Variants in COL14A1 observed in about 807,000 individuals in gnomAD.
COL14A1 encodes collagen alpha-1(XIV) chain.
Under a neutral mutation model 230.3 loss-of-function variants are expected in COL14A1, and 136 were observed. That is an observed-to-expected ratio of 0.59 (90% confidence interval 0.51 to 0.68). The LOEUF is 0.68. Among genes scored for constraint, COL14A1 ranks in the 30% least tolerant of loss-of-function variants. COL14A1 has a pLI of 0.00. For synonymous variants in COL14A1, 792 were observed against 784.1 expected, an observed-to-expected ratio of 1.01 and a Z score of -0.17; for missense variants, 1,976 against 2,215.8, an observed-to-expected ratio of 0.89 and a Z score of 2.17.
intron 8 of COL14A1, among the ~76,000 whole-genome samples, 156 bp from the exon 9 acceptor site, chr8:120,203,553 G>A (rs1051388366): frequency 2.6e-5 from 4 of 151,874 alleles, no homozygotes; most frequent in East Asian, 1.9e-4. Flanking sequence ...TTTCGTGTGC[G>A]CATTTTAAAT....
intron 20 of COL14A1, among the ~76,000 whole-genome samples, chr8:120,245,061 C>T (rs561928552): frequency 9.4e-4 from 143 of 152,296 alleles, no homozygotes; most frequent in Middle Eastern, 3.4e-3. Flanking sequence ...CATGCCCTAG[C>T]GATTCCTTCT....
chr8:120,261,738 G>A (rs538501623), intron 23 of COL14A1, among the ~76,000 whole-genome samples: 1 of 152,264 alleles, frequency 6.6e-6, no homozygotes, highest in Non-Finnish European at 1.5e-5. Flanking sequence ...ACCAGAAATT[G>A]AGACTGAACT....
chr8:120,278,598 G>T lies in COL14A1; in HGVS notation c.3481+20G>T. The T allele has an allele frequency of 6.2e-7, 1 of 1,603,166 alleles. No individual in the cohort carries two copies. The highest frequency in any genetic ancestry group is 8.5e-7 in the Non-Finnish European group (1 of 1,173,522). On this transcript the variant is annotated intron_variant, in intron 28 of 47. Transcript: ENST00000297848. The stretch of plus-strand genomic sequence containing the variant: ...TAGATGGTAAGATATATAAACAATA[G>T]TGGCTACCAAATATGATGTTAGAAT...
chr8:120,259,084 C>A (rs895873911), intron 23 of COL14A1, among the ~76,000 whole-genome samples: 1 of 152,112 alleles, frequency 6.6e-6, no homozygotes, highest in Non-Finnish European at 1.5e-5. Context: ...TAGAGAACTG[C>A]AGCATAGTGG....
chr8:120,293,732 A>G (rs528966577), intron 34 of COL14A1, among the ~76,000 whole-genome samples: 3 of 151,972 alleles, frequency 2.0e-5, no homozygotes, highest in African/African-American at 4.8e-5. Context: ...TAGAGACTAT[A>G]TGTCCTATCT....
At chr8:120,250,204 C>G (rs983366) in intron 21 of COL14A1, among the ~76,000 whole-genome samples, 1 of 152,190 alleles carries the variant, frequency 6.6e-6, no homozygotes, top group East Asian at 1.9e-4. Context: ...ATGGCCTGGT[C>G]TCCATGATAA....
chr8:120,148,067 C>A, intron 2 of COL14A1, 137 bp downstream of exon 2: 1 of 587,620 alleles, frequency 1.7e-6, no homozygotes, highest in East Asian at 3.3e-5. Flanking sequence ...TAGAAATATA[C>A]ACATCTTTGA....
At chr8:120,358,042 T>C (rs1823047205) in intron 45 of COL14A1, among the ~76,000 whole-genome samples, 2 of 152,238 alleles carry the variant, frequency 1.3e-5, no homozygotes, top group Non-Finnish European at 1.5e-5. Context: ...TCCCACCCTT[T>C]ATAATTAGTA....
intron 41 of COL14A1, 112 bp from the exon 42 acceptor site, chr8:120,332,552 G>C (rs541179169): frequency 5.7e-6 from 5 of 870,526 alleles, no homozygotes; most frequent in African/African-American, 3.4e-5. Context: ...CTGGTGATGA[G>C]GGGGAGGGAA....
rs186966132 is a variant in COL14A1 at position 120,282,048 on chromosome 8, G to A, written c.3824+989G>A. 7.4e-4 allele frequency among the ~76,000 whole-genome samples: 113 copies of A among 152,150 alleles called. 1 individual carries two copies. Among genetic ancestry groups the A allele is most frequent in the African/African-American group, 2.5e-3 (103 of 41,496 alleles). On this transcript the variant is annotated intron_variant, in intron 31 of 47. Coordinates refer to ENST00000297848, the MANE Select transcript of COL14A1 (RefSeq NM_021110.4). ...ATATGTATACATGTGCCATGCTGGT[G>A]CGCTGCACCCACTAACTTGTCACTT...
At chr8:120,210,536 T>C (rs1817587811) in intron 12 of COL14A1, among the ~76,000 whole-genome samples, 2 of 152,180 alleles carry the variant, frequency 1.3e-5, no homozygotes, top group South Asian at 2.1e-4. Context: ...ACATACCTCA[T>C]TGGTGCAAAA....
At chr8:120,140,712 G>A (rs1429840310) in intron 1 of COL14A1, among the ~76,000 whole-genome samples, 1 of 152,140 alleles carries the variant, frequency 6.6e-6, no homozygotes, top group African/African-American at 2.4e-5. Context: ...TGATAAAATT[G>A]GCTGTATGTT....
chr8:120,332,292 C>G, intron 41 of COL14A1, 98 bp downstream of exon 41: 12 of 1,171,988 alleles, frequency 1.0e-5, no homozygotes, highest in Non-Finnish European at 1.5e-5. Flanking sequence ...CAGCAGCCGT[C>G]TTCACTATAG....
chr8:120,208,766 TG>T, intron 11 of COL14A1, among the ~76,000 whole-genome samples: 3 of 152,318 alleles, frequency 2.0e-5, no homozygotes, highest in Non-Finnish European at 4.4e-5. Flanking sequence ...CTATCTTTAT[TG>T]TTCATATCAT....
chr8:120,136,234 A>G (rs78458329), intron 1 of COL14A1, among the ~76,000 whole-genome samples: 3,610 of 152,206 alleles, frequency 0.024, 58 homozygotes, highest in African/African-American at 0.036. Flanking sequence ...GATACTAGCT[A>G]TGGAGTTTTC....
intron 10 of COL14A1, among the ~76,000 whole-genome samples, chr8:120,207,376 T>C (rs1385107181): frequency 6.6e-6 from 1 of 151,830 alleles, no homozygotes; most frequent in African/African-American, 2.4e-5. Context: ...AAGTAAAAGG[T>C]ATCAGTAGCT....
chr8:120,154,939 C>T (rs1008145202), intron 2 of COL14A1, among the ~76,000 whole-genome samples: 1 of 152,168 alleles, frequency 6.6e-6, no homozygotes. Flanking sequence ...TGCTTTGGCT[C>T]CAGTCCCAGT....
chr8:120,210,530 A>G (rs1267826916), intron 12 of COL14A1, among the ~76,000 whole-genome samples: 1 of 152,182 alleles, frequency 6.6e-6, no homozygotes, highest in Non-Finnish European at 1.5e-5. Flanking sequence ...AGATAAACAT[A>G]CCTCATTGGT....
intron 45 of COL14A1, among the ~76,000 whole-genome samples, chr8:120,366,854 T>C (rs1823420441): frequency 6.6e-6 from 1 of 152,202 alleles, no homozygotes; most frequent in Admixed American, 6.5e-5. Flanking sequence ...GCTGCATAAG[T>C]CCAGTGGCCT....
Sources: gnomAD v4.1 joint callset for allele counts (sites outside exome capture counted in the v4.1 genomes callset) on GRCh38, gnomAD v4.1.1 for gene constraint, MANE v1.5 for transcripts, NCBI Gene and HGNC (gene_info 2026-07-23, HGNC 2026-07-21) for gene names.